Variants in RBFOX1 observed in about 807,000 individuals in gnomAD.
RBFOX1 encodes the protein RNA binding fox-1 homolog 1.
A neutral mutation model predicts 57.7 loss-of-function variants in RBFOX1; 8 were observed. The ratio of observed to expected loss-of-function variants is 0.14; its 90% CI spans 0.08 to 0.25. The LOEUF (loss-of-function observed/expected upper bound fraction) is 0.25. Ranked by LOEUF, RBFOX1 falls within the 10% of genes least tolerant of loss-of-function variation. RBFOX1 has a pLI of 1.00. For missense variants in RBFOX1, 611 were observed against 548.5 expected (o/e 1.11, Z -1.14); for synonymous variants, 326 against 222.4 (o/e 1.47, Z -4.15).
At chr16:5,458,124 T>C (rs1567541360) in intron 1 of RBFOX1, among the ~76,000 whole-genome samples, 1 of 152,224 alleles carries the variant, frequency 6.6e-6, no homozygotes, top group Non-Finnish European at 1.5e-5. Context: ...GCAATGGATA[T>C]CAAATTAAAT....
chr16:5,989,748 C>T (rs528942585), intron 4 of RBFOX1, among the ~76,000 whole-genome samples: 1 of 151,768 alleles, frequency 6.6e-6, no homozygotes, highest in East Asian at 1.9e-4. Flanking sequence ...TGTAGCTTAT[C>T]TTGGTCATGA....
chr16:6,659,520 A>C (rs1045190673), intron 3 of RBFOX1, among the ~76,000 whole-genome samples: 1 of 152,128 alleles, frequency 6.6e-6, no homozygotes, highest in Non-Finnish European at 1.5e-5. Context: ...TGGAAGTACC[A>C]TCATTTTCCC....
chr16:5,783,093 C>A (rs1352081272), intron 3 of RBFOX1, among the ~76,000 whole-genome samples: 1 of 152,182 alleles, frequency 6.6e-6, no homozygotes, highest in Non-Finnish European at 1.5e-5. Context: ...TCCAGGCAAG[C>A]AGACAGATAA....
At chr16:7,266,344 G>C (rs1003276401) in intron 4 of RBFOX1, among the ~76,000 whole-genome samples, 1 of 152,106 alleles carries the variant, frequency 6.6e-6, no homozygotes, top group Non-Finnish European at 1.5e-5. Context: ...CTCCTGCTTT[G>C]GTCACGTGAT....
chr16:6,639,022 C>G (rs1209531373), intron 2 of RBFOX1, among the ~76,000 whole-genome samples: 1 of 152,204 alleles, frequency 6.6e-6, no homozygotes, highest in Non-Finnish European at 1.5e-5. Flanking sequence ...GTATCAGTTT[C>G]CAAGGAGACC....
intron 1 of RBFOX1, among the ~76,000 whole-genome samples, chr16:6,234,120 G>C (rs1027702579): frequency 1.3e-5 from 2 of 152,126 alleles, no homozygotes; most frequent in East Asian, 1.9e-4. Context: ...GAGGGGAGGA[G>C]CCTGTATGAA....
chr16:6,483,596 G>T, intron 2 of RBFOX1: 1 of 1,532,604 alleles, frequency 6.5e-7, no homozygotes, highest in African/African-American at 1.4e-5. Flanking sequence ...GAGAGAAAGA[G>T]GGAGAGAGGG....
intron 4 of RBFOX1, among the ~76,000 whole-genome samples, chr16:7,469,109 A>T (rs948139832): frequency 1.3e-5 from 2 of 151,742 alleles, no homozygotes; most frequent in African/African-American, 4.8e-5. Context: ...AATTTTTTTG[A>T]ATTTTTAGTA....
intron 3 of RBFOX1, among the ~76,000 whole-genome samples, chr16:6,767,232 G>A (rs1373355546): frequency 2.0e-5 from 3 of 151,934 alleles, no homozygotes; most frequent in African/African-American, 2.4e-5. Flanking sequence ...CCAGCCACAG[G>A]GACTGGCTCC....
At chr16:6,282,136 C>G (rs943935937) in intron 1 of RBFOX1, among the ~76,000 whole-genome samples, 2 of 152,080 alleles carry the variant, frequency 1.3e-5, no homozygotes, top group Non-Finnish European at 2.9e-5. Context: ...TGCAGAAGCT[C>G]TCTTCATCTG....
chr16:6,283,133 T>A (rs1214376116), intron 1 of RBFOX1, among the ~76,000 whole-genome samples: 1 of 152,002 alleles, frequency 6.6e-6, no homozygotes, highest in Non-Finnish European at 1.5e-5. Context: ...GGGAGACTAG[T>A]CTGGGTAACA....
chr16:5,294,550 C>T (rs1292946372), intron 1 of RBFOX1, among the ~76,000 whole-genome samples: 2 of 152,170 alleles, frequency 1.3e-5, no homozygotes, highest in Non-Finnish European at 2.9e-5. Flanking sequence ...CAGGTAGCTC[C>T]CCATCTCCAA....
intron 2 of RBFOX1, among the ~76,000 whole-genome samples, chr16:5,537,687 T>C (rs946508137): frequency 1.3e-5 from 2 of 152,218 alleles, no homozygotes; most frequent in African/African-American, 4.8e-5. Context: ...TCAAAGCCAA[T>C]GATGGCTGGT....
chr16:7,536,047 C>CA (rs1296661516), intron 5 of RBFOX1, among the ~76,000 whole-genome samples: 4 of 151,320 alleles, frequency 2.6e-5, no homozygotes, highest in Non-Finnish European at 5.9e-5. Flanking sequence ...ACGTCACTCA[C>CA]ACAGTTGAAT....
chr16:5,967,000 G>GA lies in RBFOX1; in HGVS notation c.351+99665_351+99666insA, dbSNP rs1459535006. ...CTTTCTTGCACTAAATCGGGGGGGG[G>GA]GGGGTCAATAAATGATAGCTCAGGT... On this transcript the variant is annotated intron_variant, in intron 4 of 19. Transcript: ENST00000641259. Among the ~76,000 whole-genome samples, 6 of 133,408 alleles carry GA rather than the reference G, an allele frequency of 4.5e-5. 1 individual carries two copies. In the Admixed American group the frequency reaches 4.5e-4, roughly 10 times the overall value. 87.5% of individuals were successfully genotyped at this position (133,408 alleles called of 152,430 possible).
chr16:7,330,163 C>T (rs2096665481), intron 4 of RBFOX1, among the ~76,000 whole-genome samples: 1 of 152,056 alleles, frequency 6.6e-6, no homozygotes, highest in Non-Finnish European at 1.5e-5. Flanking sequence ...GTTCCAGGAC[C>T]TCCCCTCAGA....
intron 4 of RBFOX1, among the ~76,000 whole-genome samples, chr16:7,215,986 G>A (rs1005323734): frequency 3.9e-5 from 6 of 152,164 alleles, no homozygotes; most frequent in Non-Finnish European, 8.8e-5. Context: ...GCCTCCCAAA[G>A]TGCTGAGATT....
chr16:7,068,884 C>T (rs550020946), intron 4 of RBFOX1, among the ~76,000 whole-genome samples: 13 of 152,306 alleles, frequency 8.5e-5, no homozygotes, highest in South Asian at 2.1e-4. Flanking sequence ...CCACCGCGCC[C>T]GGCCTGATAC....
chr16:6,659,344 G>A (rs17140856), intron 3 of RBFOX1, among the ~76,000 whole-genome samples: 368 of 152,186 alleles, frequency 2.4e-3, no homozygotes, highest in Non-Finnish European at 4.1e-3. Flanking sequence ...AGTTTGAGTG[G>A]TTTTCCAAGT....
Sources: allele counts gnomAD v4.1 joint callset (sites outside exome capture counted in the v4.1 genomes callset), GRCh38; gene constraint gnomAD v4.1.1; transcripts MANE v1.5; gene names NCBI Gene and HGNC (gene_info 2026-07-23, HGNC 2026-07-21).